SMYD3: variants seen among roughly 807,000 people sequenced by gnomAD.
SMYD3 encodes SET and MYND domain containing 3, also known as histone-lysine N-methyltransferase SMYD3.
In SMYD3, 36 loss-of-function variants were observed where a neutral mutation model predicts 57.7. The observed-to-expected ratio is 0.62, with a 90% confidence interval of 0.48 to 0.82. The LOEUF is 0.82. Among genes scored for constraint, SMYD3 ranks in the 40% least tolerant of loss-of-function variants. SMYD3 has a pLI of 0.00. For missense variants in SMYD3, 515 were observed against 538.8 expected, an observed-to-expected ratio of 0.96 and a Z score of 0.44; for synonymous variants, 211 against 195.0, an observed-to-expected ratio of 1.08 and a Z score of -0.68.
chr1:245,854,826 G>A (rs1002978187), intron 10 of SMYD3, among the ~76,000 whole-genome samples: 10 of 152,152 alleles, frequency 6.6e-5, no homozygotes, highest in Admixed American at 3.3e-4. Flanking sequence ...GAGTAACTGG[G>A]AAAGCAGAAT....
intron 8 of SMYD3, among the ~76,000 whole-genome samples, chr1:245,876,269 G>T (rs944278481): frequency 6.6e-6 from 1 of 152,138 alleles, no homozygotes; most frequent in Admixed American, 6.5e-5. Flanking sequence ...GGTAAGGTGG[G>T]TATATACTTA....
chr1:246,061,644 C>T (rs777361721), intron 5 of SMYD3, among the ~76,000 whole-genome samples: 22 of 152,122 alleles, frequency 1.4e-4, no homozygotes, highest in Non-Finnish European at 2.2e-4. Flanking sequence ...CTGGGAGGAT[C>T]GCTTGAGCGA....
At chr1:246,216,135 A>G (rs2063159549) in intron 5 of SMYD3, among the ~76,000 whole-genome samples, 1 of 152,026 alleles carries the variant, frequency 6.6e-6, no homozygotes, top group Non-Finnish European at 1.5e-5. Context: ...TAAAAATACA[A>G]AATTAGCCAA....
At chr1:246,493,265 G>A (rs2068299342) in intron 1 of SMYD3, among the ~76,000 whole-genome samples, 1 of 151,788 alleles carries the variant, frequency 6.6e-6, no homozygotes, top group Non-Finnish European at 1.5e-5. Context: ...AGGAGTTTGA[G>A]GCCAGCCTGG....
intron 9 of SMYD3, among the ~76,000 whole-genome samples, chr1:245,862,591 C>T (rs1266483461): frequency 6.6e-6 from 1 of 151,720 alleles, no homozygotes; most frequent in East Asian, 1.9e-4. Context: ...AACCTGTCCT[C>T]TGTATCTTCA....
chr1:245,768,345 C>A (rs1402766779), intron 10 of SMYD3, among the ~76,000 whole-genome samples: 1 of 152,180 alleles, frequency 6.6e-6, no homozygotes, highest in Non-Finnish European at 1.5e-5. Context: ...CAAGATCTTA[C>A]TGATATATTT....
chr1:246,286,639 C>G (rs1012871039), intron 5 of SMYD3, among the ~76,000 whole-genome samples: 1 of 152,100 alleles, frequency 6.6e-6, no homozygotes, highest in African/African-American at 2.4e-5. Flanking sequence ...AATACAGAGA[C>G]ACTGTTTTTG....
chr1:246,098,365 G>A (rs551769818), intron 5 of SMYD3, among the ~76,000 whole-genome samples: 4 of 152,252 alleles, frequency 2.6e-5, no homozygotes, highest in South Asian at 2.1e-4. Context: ...GCACACGTTC[G>A]AAATCCTGCT....
chr1:245,767,776 T>C (rs543194450), intron 10 of SMYD3, among the ~76,000 whole-genome samples: 8 of 152,280 alleles, frequency 5.3e-5, no homozygotes, highest in African/African-American at 1.4e-4. Context: ...AACTCTGGAC[T>C]TCTCTTGCCA....
chr1:245,890,950 A>T (rs1019013164), intron 8 of SMYD3, among the ~76,000 whole-genome samples: 2 of 152,214 alleles, frequency 1.3e-5, no homozygotes, highest in African/African-American at 4.8e-5. Flanking sequence ...ATTGTGTTCA[A>T]TTAAACTAGC....
intron 5 of SMYD3, among the ~76,000 whole-genome samples, chr1:246,125,576 A>T (rs1422281724): frequency 1.3e-5 from 2 of 152,190 alleles, no homozygotes; most frequent in African/African-American, 4.8e-5. Flanking sequence ...TAATCTACTG[A>T]GTATAGAACA....
chr1:246,090,986 T>C (rs919003374), intron 5 of SMYD3, among the ~76,000 whole-genome samples: 2 of 152,072 alleles, frequency 1.3e-5, no homozygotes, highest in African/African-American at 4.8e-5. Flanking sequence ...GTCACCGAAA[T>C]GGTGAGCAGA....
intron 10 of SMYD3, among the ~76,000 whole-genome samples, chr1:245,831,716 G>A (rs138668377): frequency 2.5e-3 from 387 of 152,268 alleles, no homozygotes; most frequent in African/African-American, 8.9e-3. Flanking sequence ...GAGGGCAGCC[G>A]CTGAAACGAC....
chr1:245,851,106 G>A (rs1317243356), intron 10 of SMYD3, among the ~76,000 whole-genome samples: 1 of 151,936 alleles, frequency 6.6e-6, no homozygotes, highest in Admixed American at 6.6e-5. Context: ...TCCACTGCAG[G>A]GCCTCCTACT....
intron 11 of SMYD3, among the ~76,000 whole-genome samples, chr1:245,750,590 C>T (rs956779561): frequency 2.6e-5 from 4 of 152,110 alleles, no homozygotes; most frequent in African/African-American, 7.2e-5. Context: ...AGCATTTGTG[C>T]AATAATTTTG....
At chr1:246,419,375 G>T (rs6680347) in intron 1 of SMYD3, among the ~76,000 whole-genome samples, 1 of 152,158 alleles carries the variant, frequency 6.6e-6, no homozygotes, top group African/African-American at 2.4e-5. Flanking sequence ...ACGTCCTCCC[G>T]ATGTCCGGCC....
intron 5 of SMYD3, among the ~76,000 whole-genome samples, chr1:246,255,979 T>TAGATAGATAGATAGATAGACAGAC (rs1553320462): frequency 1.4e-5 from 2 of 147,650 alleles, no homozygotes; most frequent in South Asian, 2.2e-4. Flanking sequence ...GATAGATAGA[T>TAGATAGATAGATAGATAGACAGAC]AGATAGATAC....
intron 1 of SMYD3, among the ~76,000 whole-genome samples, chr1:246,427,381 G>A (rs1412039315): frequency 5.3e-5 from 8 of 151,166 alleles, no homozygotes; most frequent in African/African-American, 1.5e-4. Context: ...TTAGCCGGGC[G>A]TAGTGGCGGG....
intron 5 of SMYD3, among the ~76,000 whole-genome samples, chr1:246,260,113 C>G (rs955049100): frequency 1.3e-5 from 2 of 152,150 alleles, no homozygotes; most frequent in African/African-American, 4.8e-5. Flanking sequence ...AGGATCTCTG[C>G]ACGGGAAGGA....
Sources: gnomAD v4.1 joint callset for allele counts (sites outside exome capture counted in the v4.1 genomes callset) on GRCh38, gnomAD v4.1.1 for gene constraint, MANE v1.5 for transcripts, NCBI Gene and HGNC (gene_info 2026-07-23, HGNC 2026-07-21) for gene names.